Variants in ZMIZ1 observed in about 807,000 individuals in gnomAD.
ZMIZ1 encodes the protein zinc finger MIZ domain-containing protein 1.
A neutral mutation model predicts 113.9 loss-of-function variants in ZMIZ1; 17 were observed. The observed-to-expected ratio is 0.15, with a 90% CI of 0.10 to 0.22. The LOEUF (loss-of-function observed/expected upper bound fraction) is 0.22. Ranked by LOEUF, ZMIZ1 falls within the 10% of genes least tolerant of loss-of-function variation. The pLI, the probability that ZMIZ1 is intolerant of heterozygous loss-of-function variation, is 1.00. For synonymous variants in ZMIZ1, 607 were observed against 603.1 expected, an observed-to-expected ratio of 1.01 and a Z score of -0.09; for missense variants, 1,059 against 1,477.8, an observed-to-expected ratio of 0.72 and a Z score of 4.65.
chr10:79,277,178 C>A lies in ZMIZ1; in HGVS notation c.281-3C>A. ...CCCACTGACTGTCCTGTCCTTCCTG[C>A]AGCCTTGTTGTCCTCCTGGTGCGAA... On this transcript the variant is annotated splice_region_variant and splice_polypyrimidine_tract_variant and intron_variant, in intron 7 of 24. Transcript: ENST00000334512. 6.5e-7 allele frequency: 1 copy of A among 1,532,424 alleles called. No individual in the cohort carries two copies. The highest frequency in any genetic ancestry group is 8.8e-7 in the Non-Finnish European group (1 of 1,139,604). The allele number at this position is 1,532,424 out of a possible 1,614,324, so 94.9% of individuals were successfully genotyped here.
intron 1 of ZMIZ1, among the ~76,000 whole-genome samples, chr10:79,106,467 C>A (rs1170591817): frequency 6.6e-6 from 1 of 152,202 alleles, no homozygotes; most frequent in Non-Finnish European, 1.5e-5. Flanking sequence ...GGTACACAGG[C>A]CTTTATTTGT....
chr10:79,251,881 G>T (rs141555147), intron 7 of ZMIZ1, among the ~76,000 whole-genome samples: 110 of 152,334 alleles, frequency 7.2e-4, no homozygotes, highest in South Asian at 1.2e-3. Flanking sequence ...ACCCAAAACA[G>T]AGAAACGCCC....
At chr10:79,211,891 C>A (rs1442741292) in intron 6 of ZMIZ1, among the ~76,000 whole-genome samples, 1 of 152,234 alleles carries the variant, frequency 6.6e-6, no homozygotes, top group Non-Finnish European at 1.5e-5. Flanking sequence ...CAGGAGGGAA[C>A]CGGGTTTCAC....
rs1423797518 is a variant in ZMIZ1, at chr10:79,248,623, G to T, written c.281-28558G>T. On this transcript the variant is annotated intron_variant, in intron 7 of 24. Coordinates refer to ENST00000334512, the MANE Select transcript of ZMIZ1 (RefSeq NM_020338.4). The stretch of plus-strand genomic sequence containing the variant: ...ATGGAAAGCCTCGTCTTGTTTCAGG[G>T]TTCCTGTTTTGTGGTTGCCCATGGT... Among the ~76,000 whole-genome samples, 6 of 152,306 alleles carry T rather than the reference G, an allele frequency of 3.9e-5. No individual in the cohort carries two copies. The East Asian group carries it at 1.2e-3, about 29-fold the overall frequency.
intron 10 of ZMIZ1, 23 bp from the exon 11 acceptor site, chr10:79,292,135 C>G: frequency 6.3e-7 from 1 of 1,593,390 alleles, no homozygotes; most frequent in African/African-American, 1.3e-5. Flanking sequence ...GTACCTAACT[C>G]TTCCACCCTT....
chr10:79,122,651 C>T (rs993187620), intron 2 of ZMIZ1, among the ~76,000 whole-genome samples: 11 of 152,206 alleles, frequency 7.2e-5, no homozygotes, highest in Non-Finnish European at 1.6e-4. Context: ...ACCTCTTGCA[C>T]TATAGAGTTC....
intron 1 of ZMIZ1, among the ~76,000 whole-genome samples, chr10:79,096,522 A>G (rs954425995): frequency 6.9e-6 from 1 of 145,562 alleles, no homozygotes; most frequent in African/African-American, 2.4e-5. Context: ...AAAAGAAAAG[A>G]AAAGAAAAGA....
chr10:79,201,827 T>C, intron 5 of ZMIZ1, 135 bp downstream of exon 5: 1 of 933,440 alleles, frequency 1.1e-6, no homozygotes, highest in Non-Finnish European at 1.7e-6. Context: ...GTTATTGGCA[T>C]GCTGGCACTG....
intron 7 of ZMIZ1, among the ~76,000 whole-genome samples, chr10:79,271,026 T>G (rs1301806059): frequency 6.6e-6 from 1 of 152,192 alleles, no homozygotes; most frequent in African/African-American, 2.4e-5. Context: ...GAATTGATTT[T>G]TGCTTCCTGC....
intron 1 of ZMIZ1, among the ~76,000 whole-genome samples, chr10:79,077,092 A>G (rs1842499067): frequency 6.6e-6 from 1 of 152,084 alleles, no homozygotes; most frequent in South Asian, 2.1e-4. Flanking sequence ...ACCTGCTGAG[A>G]GTCACCTTTG....
intron 5 of ZMIZ1, among the ~76,000 whole-genome samples, chr10:79,202,783 C>T (rs192804533): frequency 1.1e-3 from 170 of 152,358 alleles, no homozygotes; most frequent in Non-Finnish European, 1.7e-3. Context: ...CACAGACCCA[C>T]GAATGTTATT....
chr10:79,135,450 G>A (rs1844958988), intron 2 of ZMIZ1, among the ~76,000 whole-genome samples: 1 of 152,210 alleles, frequency 6.6e-6, no homozygotes, highest in Non-Finnish European at 1.5e-5. Context: ...CAGGAGGTTG[G>A]ACATTACCCC....
At chr10:79,258,920 G>A (rs1479882720) in intron 7 of ZMIZ1, among the ~76,000 whole-genome samples, 2 of 152,200 alleles carry the variant, frequency 1.3e-5, no homozygotes, top group Non-Finnish European at 2.9e-5. Flanking sequence ...GAACTAATGT[G>A]GGGAGGGCAG....
chr10:79,127,277 G>C (rs1589304722), intron 2 of ZMIZ1, among the ~76,000 whole-genome samples: 2 of 152,310 alleles, frequency 1.3e-5, no homozygotes, highest in East Asian at 1.9e-4. Flanking sequence ...CGGCCGGTCT[G>C]TGTTTGCAGA....
chr10:79,174,268 C>T (rs1005694855), intron 4 of ZMIZ1, among the ~76,000 whole-genome samples: 4 of 152,130 alleles, frequency 2.6e-5, no homozygotes, highest in Admixed American at 6.5e-5. Flanking sequence ...TCGGGGACAC[C>T]GGGGACACAC....
intron 7 of ZMIZ1, among the ~76,000 whole-genome samples, chr10:79,238,720 T>C (rs1849693407): frequency 6.6e-6 from 1 of 152,216 alleles, no homozygotes; most frequent in Non-Finnish European, 1.5e-5. Context: ...ACTTTTGAAC[T>C]GGATTGCCAA....
chr10:79,137,429 G>GGCC (rs1467525741), intron 2 of ZMIZ1, among the ~76,000 whole-genome samples: 1 of 152,216 alleles, frequency 6.6e-6, no homozygotes, highest in Non-Finnish European at 1.5e-5. Context: ...GAGGCTTAGT[G>GGCC]GCCAGCCCTG....
Position 79,216,208 on chromosome 10 carries a change from G to T in ZMIZ1, c.214G>T (p.Asp72Tyr). ...GGCAGCCCAGCAAGGCTTTGACCTG[G>T]ACCTCGGCTACAGACTGCTGGCTGT... ...RVAAQQGFDLDLGYRLLAVCA... is the reference protein window; with the variant it reads ...RVAAQQGFDLYLGYRLLAVCA... Residue 72 changes from aspartate to tyrosine, a missense_variant, in exon 7 of 25, where the codon GAC becomes TAC. By Grantham distance (160) the Asp-to-Tyr change is radical (BLOSUM62 -3). Transcript: ENST00000334512. 1 of 1,565,120 alleles carries T rather than the reference G, an allele frequency of 6.4e-7. No individual in the cohort carries two copies. The highest frequency in any genetic ancestry group is 8.7e-7 in the Non-Finnish European group (1 of 1,154,000).
chr10:79,261,096 T>G (rs988211962), intron 7 of ZMIZ1, among the ~76,000 whole-genome samples: 1 of 152,184 alleles, frequency 6.6e-6, no homozygotes, highest in African/African-American at 2.4e-5. Context: ...AGGCCCAGAC[T>G]CTGCACTCCG....
Sources: gnomAD v4.1 joint callset for allele counts (sites outside exome capture counted in the v4.1 genomes callset) on GRCh38, gnomAD v4.1.1 for gene constraint, MANE v1.5 for transcripts, NCBI Gene and HGNC (gene_info 2026-07-23, HGNC 2026-07-21) for gene names.